The following LINGO2 variants were observed in gnomAD, a reference collection of about 807,000 sequenced individuals.
LINGO2 encodes leucine-rich repeat and immunoglobulin-like domain-containing nogo receptor-interacting protein 2.
In LINGO2, 14 loss-of-function variants were observed where a neutral mutation model predicts 30.6. The observed-to-expected ratio is 0.46, with a 90% confidence interval of 0.30 to 0.72. LINGO2 has a LOEUF of 0.72. Among genes scored for constraint, LINGO2 ranks in the 30% least tolerant of loss-of-function variants. The pLI, the probability that LINGO2 is intolerant of heterozygous loss-of-function variation, is 0.07. For missense variants in LINGO2, 729 were observed against 751.7 expected, an observed-to-expected ratio of 0.97 and a Z score of 0.35; for synonymous variants, 317 against 288.5, an observed-to-expected ratio of 1.10 and a Z score of -1.00.
the LINGO2 span, among the ~76,000 whole-genome samples, chr9:28,843,324 C>G: frequency 1.5e-4 from 23 of 151,590 alleles, 1 homozygote; most frequent in South Asian, 4.0e-3. Context: ...TGTTTTATTT[C>G]CTATTATTCT....
chr9:29,046,435 A>G, the LINGO2 span, among the ~76,000 whole-genome samples: 1 of 152,178 alleles, frequency 6.6e-6, no homozygotes, highest in Non-Finnish European at 1.5e-5. Flanking sequence ...GAGAGCCCAG[A>G]AATAAGGCTG....
intron 4 of LINGO2, among the ~76,000 whole-genome samples, chr9:28,193,625 T>G (rs931150040): frequency 6.6e-6 from 1 of 152,164 alleles, no homozygotes; most frequent in Non-Finnish European, 1.5e-5. Flanking sequence ...AGAACAAAAA[T>G]ACAAACTTTT....
chr9:28,008,455 C>G (rs1445527710), intron 5 of LINGO2, among the ~76,000 whole-genome samples: 1 of 149,442 alleles, frequency 6.7e-6, no homozygotes, highest in African/African-American at 2.4e-5. Flanking sequence ...CACCATTGCA[C>G]TGAAGATTCT....
intron 2 of LINGO2, among the ~76,000 whole-genome samples, chr9:28,391,589 T>C (rs973621307): frequency 7.3e-6 from 1 of 137,490 alleles, no homozygotes; most frequent in Non-Finnish European, 1.5e-5. Context: ...TTTTCACAAT[T>C]TGTATTTATG....
intron 1 of LINGO2, among the ~76,000 whole-genome samples, chr9:28,479,292 A>AT (rs911940041): frequency 1.3e-5 from 2 of 151,516 alleles, no homozygotes; most frequent in South Asian, 2.1e-4. Flanking sequence ...GGGAAATTTA[A>AT]TTTTTTTTTA....
chr9:28,207,260 A>G (rs1303031109), intron 4 of LINGO2, among the ~76,000 whole-genome samples: 2 of 152,096 alleles, frequency 1.3e-5, no homozygotes, highest in African/African-American at 2.4e-5. Context: ...ACATTTTCCA[A>G]TTTCCCACTG....
At chr9:28,842,557 C>G in the LINGO2 span, among the ~76,000 whole-genome samples, 2 of 151,760 alleles carry the variant, frequency 1.3e-5, no homozygotes, top group Non-Finnish European at 2.9e-5. Flanking sequence ...AAGGTGGATG[C>G]TCTAAAGTCC....
chr9:28,383,652 T>C (rs1409480050), intron 2 of LINGO2, among the ~76,000 whole-genome samples: 1 of 152,084 alleles, frequency 6.6e-6, no homozygotes, highest in African/African-American at 2.4e-5. Flanking sequence ...CCCGAACCAC[T>C]AAATTAATAC....
the LINGO2 span, among the ~76,000 whole-genome samples, chr9:28,889,192 T>C: frequency 4.5e-3 from 684 of 152,206 alleles, 5 homozygotes; most frequent in African/African-American, 0.015. Flanking sequence ...AAAGATAGAG[T>C]GATAAATAAT....
At chr9:28,554,516 A>G (rs1400014029) in intron 1 of LINGO2, among the ~76,000 whole-genome samples, 2 of 146,892 alleles carry the variant, frequency 1.4e-5, no homozygotes, top group Non-Finnish European at 3.0e-5. Flanking sequence ...TGAGTGACCT[A>G]CAAAGAGACT....
At chr9:28,731,558 C>T in the LINGO2 span, among the ~76,000 whole-genome samples, 1 of 152,004 alleles carries the variant, frequency 6.6e-6, no homozygotes, top group African/African-American at 2.4e-5. Context: ...TTGGTGAGTG[C>T]GGTTTAAAAG....
the LINGO2 span, among the ~76,000 whole-genome samples, chr9:28,897,363 T>C: frequency 6.6e-6 from 1 of 152,104 alleles, no homozygotes; most frequent in East Asian, 1.9e-4. Context: ...TTTTTCTCCT[T>C]GATAGGCACA....
chr9:28,867,108 G>A, the LINGO2 span, among the ~76,000 whole-genome samples: 1 of 152,038 alleles, frequency 6.6e-6, no homozygotes, highest in Non-Finnish European at 1.5e-5. Context: ...AACTGACAGA[G>A]GAATCTGCAG....
chr9:28,822,747 T>C, the LINGO2 span, among the ~76,000 whole-genome samples: 5 of 152,268 alleles, frequency 3.3e-5, no homozygotes, highest in East Asian at 5.8e-4. Flanking sequence ...AGACGGCCTT[T>C]CTTAGGACCT....
chr9:28,339,999 G>T (rs1272238530), intron 3 of LINGO2, among the ~76,000 whole-genome samples: 2 of 152,138 alleles, frequency 1.3e-5, no homozygotes, highest in Admixed American at 1.3e-4. Context: ...CTGCTTCACA[G>T]TTGAATTCTC....
In LINGO2 at chr9:28,044,386, G is replaced by GAA. The variant is rs750743641; in HGVS notation, c.-86-31982_-86-31981insTT. On this transcript the variant is annotated intron_variant, in intron 4 of 5. Transcript: ENST00000379992. ...TTAAATCATGTTAGATTTCAACTAA[G>GAA]TCTTTTTCTTCAGGGAAGGAGACAG... 2.1e-3 allele frequency among the ~76,000 whole-genome samples: 317 copies of GAA among 152,218 alleles called. 1 individual carries two copies. Among genetic ancestry groups the GAA allele is most frequent in the Non-Finnish European group, 3.7e-3 (249 of 68,016 alleles).
chr9:29,160,754 C>T, the LINGO2 span, among the ~76,000 whole-genome samples: 1 of 152,266 alleles, frequency 6.6e-6, no homozygotes, highest in African/African-American at 2.4e-5. Context: ...TTTTATAACA[C>T]AGATTCTTTG....
chr9:28,972,991 G>C, the LINGO2 span, among the ~76,000 whole-genome samples: 1 of 151,878 alleles, frequency 6.6e-6, no homozygotes, highest in Admixed American at 6.6e-5. Flanking sequence ...CATATCAGGA[G>C]ACAAAATAAA....
the LINGO2 span, among the ~76,000 whole-genome samples, chr9:29,071,320 T>C: frequency 6.6e-6 from 1 of 150,764 alleles, no homozygotes; most frequent in Non-Finnish European, 1.5e-5. Context: ...GTCTCCCAAG[T>C]ACCTAGAATT....
Sources: allele counts gnomAD v4.1 joint callset (sites outside exome capture counted in the v4.1 genomes callset), GRCh38; gene constraint gnomAD v4.1.1; transcripts MANE v1.5; gene names NCBI Gene and HGNC (gene_info 2026-07-23, HGNC 2026-07-21).